ZBTB8B: variants seen among roughly 807,000 people sequenced by gnomAD.
ZBTB8B encodes the protein zinc finger and BTB domain containing 8B, also known as zinc finger and BTB domain-containing protein 8B.
ZBTB8B carries 17 observed loss-of-function variants against 30.3 expected under a neutral mutation model. That is an observed-to-expected ratio of 0.56 (90% CI 0.38 to 0.84). The LOEUF (loss-of-function observed/expected upper bound fraction) is 0.84. Ranked by LOEUF, ZBTB8B falls within the 40% of genes least tolerant of loss-of-function variation. The pLI, the probability that ZBTB8B is intolerant of heterozygous loss-of-function variation, is 0.00. For synonymous variants in ZBTB8B, 248 were observed against 255.6 expected (o/e 0.97, Z 0.28); for missense variants, 515 against 644.9 (o/e 0.80, Z 2.18).
chr1:32,474,561 G>A (rs1643648731), intron 2 of ZBTB8B, among the ~76,000 whole-genome samples: 1 of 151,058 alleles, frequency 6.6e-6, no homozygotes, highest in African/African-American at 2.4e-5. Flanking sequence ...AAAAAAAAAA[G>A]AAACACTTGA....
rs982827014 is a variant in ZBTB8B at position 32,484,972 on chromosome 1, G to A, written c.1171-129G>A. ...AGAACAGACTAATACAAAGACTGTG[G>A]CAGAGAATGCAGGTGGAGTGCTGAA... On this transcript the variant is annotated intron_variant, in intron 3 of 3. Transcript: ENST00000609129. The surrounding 1 kb of genome is among the most constrained non-coding windows in gnomAD (Gnocchi z 4.5). The A allele has an allele frequency of 1.4e-5, 11 of 777,106 alleles. No individual in the cohort carries two copies. Among genetic ancestry groups the A allele is most frequent in the Admixed American group, 2.6e-5 (1 of 39,052 alleles). 48.1% of individuals were successfully genotyped at this position (777,106 alleles called of 1,614,324 possible). A position where few individuals can be genotyped will look rare whatever the true frequency, so the allele number is the denominator to read the frequency against.
rs1310529827 is a variant in ZBTB8B at position 32,488,429 on chromosome 1, T to G, written c.*3011T>G. The G allele has an allele frequency of 6.6e-6, 1 of 152,260 alleles. No individual in the cohort carries two copies. Among genetic ancestry groups the G allele is most frequent in the Non-Finnish European group, 1.5e-5 (1 of 68,052 alleles). The allele number at this position is 152,260 out of a possible 1,614,324, so 9.4% of individuals were successfully genotyped here. ...CAGCCTCTTTGCCTGCTTTCTCCAG[T>G]GGAGCTATGATCCTCTTCAGTGATT... On this transcript the variant is annotated 3_prime_UTR_variant, in exon 4 of 4. Transcript: ENST00000609129.
chr1:32,470,880 G>T lies in ZBTB8B; in HGVS notation c.256G>T (p.Gly86Trp). 1.9e-6 allele frequency: 3 copies of T among 1,551,976 alleles called. No individual in the cohort carries two copies. Among genetic ancestry groups the T allele is most frequent in the Non-Finnish European group, 2.6e-6 (3 of 1,147,052 alleles). ...CATCATCTTAGATTTCCTCTATTCT[G>T]GGAAGTTGGATTTGTGTGGGGAGAA... Reference protein sequence around the residue: ...FSIILDFLYSGKLDLCGENVI... With the variant: ...FSIILDFLYSWKLDLCGENVI... Residue 86 changes from glycine (G) to tryptophan (W), a missense_variant, in exon 2 of 4, where the codon GGG becomes TGG. Coordinates refer to ENST00000609129, the MANE Select transcript of ZBTB8B (RefSeq NM_001145720.2).
At position 32,493,260 on chromosome 1, in the gene ZBTB8B, A is replaced by T. The variant is rs1643791575; in HGVS notation, c.*7842A>T. The T allele has an allele frequency of 1.3e-5, 2 of 151,980 alleles. No homozygotes were observed. Among genetic ancestry groups the T allele is most frequent in the Admixed American group, 1.3e-4 (2 of 15,266 alleles). The allele number at this position is 151,980 out of a possible 1,614,324, so 9.4% of individuals were successfully genotyped here. The stretch of plus-strand genomic sequence containing the variant: ...CAGGTTCAAGTGATTCCCCTGCCTC[A>T]GCCTCCCGAGTAGCTGGCACTACAG... On this transcript the variant is annotated 3_prime_UTR_variant, in exon 4 of 4. Transcript: ENST00000609129.
rs1643618946 is a variant in ZBTB8B, at chr1:32,471,332, T to A, written c.708T>A (p.Asp236Glu). The A allele has an allele frequency of 2.6e-6, 4 of 1,551,786 alleles. No individual in the cohort carries two copies. The highest frequency in any genetic ancestry group is 3.5e-6 in the Non-Finnish European group (4 of 1,147,016). Residue 236 changes from aspartate to glutamate, a missense_variant, in exon 2 of 4, where the codon GAT becomes GAA. By Grantham distance (45) the Asp-to-Glu change is conservative. Transcript: ENST00000609129. ...RIEPKVEFDA[D>E]EVEVDVGEQL... ...AGCCCAAGGTGGAATTTGATGCTGA[T>A]GAAGTGGAGGTGGACGTTGGTGAAC...
rs1285162323 is a variant in ZBTB8B, at chr1:32,490,935, A to G, written c.*5517A>G. ...AGGTGACAGTAACTCACATGACTGC[A>G]TGATCGGATGACATGGAAACTTCAT... On this transcript the variant is annotated 3_prime_UTR_variant, in exon 4 of 4. Coordinates refer to ENST00000609129, the MANE Select transcript of ZBTB8B (RefSeq NM_001145720.2). 1 of 152,222 alleles carries G rather than the reference A, an allele frequency of 6.6e-6. No homozygotes were observed. Among genetic ancestry groups the G allele is most frequent in the Non-Finnish European group, 1.5e-5 (1 of 68,040 alleles). 9.4% of individuals were successfully genotyped at this position (152,222 alleles called of 1,614,324 possible).
chr1:32,485,696 C>T lies in ZBTB8B; in HGVS notation c.*278C>T. On this transcript the variant is annotated 3_prime_UTR_variant, in exon 4 of 4. Transcript: ENST00000609129. ...GCCCTGAGGTCTCCTGTTTTTCTTG[C>T]TGTGTGTCCAAACTCTGGTTAGGAG... 2.5e-6 allele frequency: 1 copy of T among 399,098 alleles called. No homozygotes were observed. The highest frequency in any genetic ancestry group is 3.4e-5 in the South Asian group (1 of 29,538). 24.7% of individuals were successfully genotyped at this position (399,098 alleles called of 1,614,324 possible).
chr1:32,478,444 G>A (rs558784265), intron 2 of ZBTB8B, among the ~76,000 whole-genome samples: 1 of 151,124 alleles, frequency 6.6e-6, no homozygotes, highest in South Asian at 2.1e-4. Context: ...CCCAGGAGGC[G>A]GAGGTTGCAG....
chr1:32,485,765 C>T lies in ZBTB8B; in HGVS notation c.*347C>T, dbSNP rs1304483125. On this transcript the variant is annotated 3_prime_UTR_variant, in exon 4 of 4. Transcript: ENST00000609129. ...AGGCTTGTTTTTATATTGATTCAGT[C>T]CTCTGCATTCCTTTGTTATCATCCT... 2 of 221,698 alleles carry T rather than the reference C, an allele frequency of 9.0e-6. No homozygotes were observed. Among genetic ancestry groups the T allele is most frequent in the Non-Finnish European group, 1.8e-5 (2 of 111,004 alleles). The allele number at this position is 221,698 out of a possible 1,614,324, so 13.7% of individuals were successfully genotyped here.
At position 32,486,045 on chromosome 1, in the gene ZBTB8B, G is replaced by A. The variant is rs1159411906; in HGVS notation, c.*627G>A. ...TCATTATGGCATCCTGACTTGCCCA[G>A]TTGAATTAAATTTTAAGTTAGCCCT... On this transcript the variant is annotated 3_prime_UTR_variant, in exon 4 of 4. Transcript: ENST00000609129. The A allele has an allele frequency of 6.6e-6, 1 of 152,632 alleles. No individual in the cohort carries two copies. The highest frequency in any genetic ancestry group is 1.5e-5 in the Non-Finnish European group (1 of 68,382). 9.5% of individuals were successfully genotyped at this position (152,632 alleles called of 1,614,324 possible).
Position 32,474,279 on chromosome 1 carries a change from G to A in ZBTB8B, c.991+2664G>A, listed in dbSNP as rs550339412. On this transcript the variant is annotated intron_variant, in intron 2 of 3. Coordinates refer to ENST00000609129, the MANE Select transcript of ZBTB8B (RefSeq NM_001145720.2). The stretch of plus-strand genomic sequence containing the variant: ...CCCAGCATTTTGAGAGGCCAAGGAG[G>A]GAGGATTGCTTGAGCCCAGGAGTTT... 2.1e-5 allele frequency among the ~76,000 whole-genome samples: 3 copies of A among 143,510 alleles called. No individual in the cohort carries two copies. In the East Asian group the frequency reaches 6.2e-4, roughly 30 times the overall value. The allele number at this position is 143,510 out of a possible 152,430, so 94.1% of individuals were successfully genotyped here. A position where few individuals can be genotyped will look rare whatever the true frequency, so the allele number is the denominator to read the frequency against.
At position 32,489,833 on chromosome 1, in the gene ZBTB8B, CAT is replaced by C. The variant is rs1643767939; in HGVS notation, c.*4417_*4418del. The C allele has an allele frequency of 6.6e-6, 1 of 152,266 alleles. No homozygotes were observed. The highest frequency in any genetic ancestry group is 6.5e-5 in the Admixed American group (1 of 15,290). 9.4% of individuals were successfully genotyped at this position (152,266 alleles called of 1,614,324 possible). ...CTTACCTATAATAATTAAGAAATGACATAGTGCATCATGATTCTGATCATTTG... is the reference window on the plus strand; with the variant it reads ...CTTACCTATAATAATTAAGAAATGACAGTGCATCATGATTCTGATCATTTG... On this transcript the variant is annotated 3_prime_UTR_variant, in exon 4 of 4. Coordinates refer to ENST00000609129, the MANE Select transcript of ZBTB8B (RefSeq NM_001145720.2).
Position 32,490,579 on chromosome 1 carries a change from G to A in ZBTB8B, c.*5161G>A, listed in dbSNP as rs1187374235. ...TAAACATGTCCTAGTTTTTGTTGTT[G>A]TTGTTGTTTTTCTTTTCTTTTTTTT... On this transcript the variant is annotated 3_prime_UTR_variant, in exon 4 of 4. Coordinates refer to ENST00000609129, the MANE Select transcript of ZBTB8B (RefSeq NM_001145720.2). 1 of 152,200 alleles carries A rather than the reference G, an allele frequency of 6.6e-6. No homozygotes were observed. Among genetic ancestry groups the A allele is most frequent in the East Asian group, 1.9e-4 (1 of 5,190 alleles). 9.4% of individuals were successfully genotyped at this position (152,200 alleles called of 1,614,324 possible).
rs1224987586 is a variant in ZBTB8B at position 32,485,195 on chromosome 1, A to G, written c.1265A>G (p.Asp422Gly). ...SQGLRRFGLC[D>G]SCTCVTDTPD... ...GGGCTGCGGCGCTTCGGGCTGTGTG[A>G]CAGCTGCACCTGCGTTACAGACACA... The change falls in exon 4 of 4, where the codon GAC (aspartate) becomes GGC (glycine). Residue 422 changes from aspartate to glycine, a missense_variant. This residue lies in a region of ZBTB8B where 429 missense variants were observed against 504.3 expected (regional missense o/e 0.85). Coordinates refer to ENST00000609129, the MANE Select transcript of ZBTB8B (RefSeq NM_001145720.2). The G allele has an allele frequency of 6.4e-7, 1 of 1,551,948 alleles. No individual in the cohort carries two copies. The highest frequency in any genetic ancestry group is 8.7e-7 in the Non-Finnish European group (1 of 1,147,044).
intron 2 of ZBTB8B, among the ~76,000 whole-genome samples, chr1:32,472,803 G>A (rs1014952529): frequency 5.3e-5 from 8 of 152,204 alleles, no homozygotes; most frequent in African/African-American, 1.9e-4. Context: ...TTTCAGTAGA[G>A]ACAGGGTTTC....
rs972211709 is a variant in ZBTB8B, at chr1:32,492,061, T to C, written c.*6643T>C. On this transcript the variant is annotated 3_prime_UTR_variant, in exon 4 of 4. Transcript: ENST00000609129. ...GTTGTTGGTGCTTAGTTGCTTGTGA[T>C]TAATAGACAGTTTGCAAATTTTGGT... The C allele has an allele frequency of 6.6e-6, 1 of 152,216 alleles. No individual in the cohort carries two copies. The highest frequency in any genetic ancestry group is 1.5e-5 in the Non-Finnish European group (1 of 68,038). The allele number at this position is 152,216 out of a possible 1,614,324, so 9.4% of individuals were successfully genotyped here. A position where few individuals can be genotyped will look rare whatever the true frequency, so the allele number is the denominator to read the frequency against.
rs990826890 is a variant in ZBTB8B at position 32,471,044 on chromosome 1, GGCAGCGGCGGCGGCT to G, written c.432_446del (p.Ala149_Ala153del). The G allele has an allele frequency of 1.8e-5, 28 of 1,549,904 alleles. No homozygotes were observed. In the East Asian group the frequency reaches 2.9e-4, roughly 16 times the overall value. ...CTGCTGTGGCTGCAGCAGTGGCGGC[GGCAGCGGCGGCGGCT>G]GCAGCGGCGGCAGCAGCGGCGGCTC... On this transcript the variant is annotated inframe_deletion, in exon 2 of 4. Transcript: ENST00000609129.
At chr1:32,475,173 G>A (rs1160273255) in intron 2 of ZBTB8B, among the ~76,000 whole-genome samples, 2 of 152,186 alleles carry the variant, frequency 1.3e-5, no homozygotes, top group African/African-American at 2.4e-5. Context: ...GGATTGATTT[G>A]TTTGGTTATT....
intron 2 of ZBTB8B, among the ~76,000 whole-genome samples, chr1:32,479,688 C>T (rs1643690491): frequency 6.6e-6 from 1 of 152,128 alleles, no homozygotes; most frequent in Admixed American, 6.5e-5. Flanking sequence ...ACTTGAGCAT[C>T]CTTGGATTTT....
Sources: allele counts gnomAD v4.1 joint callset (sites outside exome capture counted in the v4.1 genomes callset), GRCh38; gene constraint gnomAD v4.1.1; regional missense constraint gnomAD v4.1.1; non-coding constraint Gnocchi (gnomAD v3.1); transcripts MANE v1.5; gene names NCBI Gene and HGNC (gene_info 2026-07-23, HGNC 2026-07-21).